Variants in ITGAE observed in about 807,000 individuals in gnomAD.
ITGAE encodes integrin alpha-E.
A neutral mutation model predicts 136.5 loss-of-function variants in ITGAE; 99 were observed. That is an observed-to-expected ratio of 0.73 (90% confidence interval 0.62 to 0.86). The LOEUF (loss-of-function observed/expected upper bound fraction) is 0.86. Ranked by LOEUF, ITGAE falls within the 40% of genes least tolerant of loss-of-function variation. ITGAE has a pLI of 0.00. For missense variants in ITGAE, 1,447 were observed against 1,515.3 expected (o/e 0.95, Z 0.75); for synonymous variants, 613 against 591.8 (o/e 1.04, Z -0.52).
At chr17:3,721,298 GTC>G (rs2051046782) in intron 28 of ITGAE, among the ~76,000 whole-genome samples, 1 of 107,242 alleles carries the variant, frequency 9.3e-6, no homozygotes, top group Non-Finnish European at 1.7e-5. Flanking sequence ...TTGAGACAAG[GTC>G]TCACTCTGTT....
In ITGAE at chr17:3,716,558, AAGG is replaced by A. The variant is rs142226080; in HGVS notation, c.3444+127_3444+129del. ...TTGTCTAAATGGGGGTGTGCAGTTGAAGGAGGAGAAAAAAGTGGCCACGAGGCC... is the reference window on the plus strand; with the variant it reads ...TTGTCTAAATGGGGGTGTGCAGTTGAAGGAGAAAAAAGTGGCCACGAGGCC... On this transcript the variant is annotated intron_variant, in intron 30 of 30. Transcript: ENST00000263087. 656 of 662,676 alleles carry A rather than the reference AAGG, an allele frequency of 9.9e-4. 6 individuals are homozygous for A. In the African/African-American group the frequency reaches 0.01, roughly 10 times the overall value. 41.0% of individuals were successfully genotyped at this position (662,676 alleles called of 1,614,324 possible).
chr17:3,770,379 C>G (rs1241784469), intron 2 of ITGAE, among the ~76,000 whole-genome samples: 1 of 152,112 alleles, frequency 6.6e-6, no homozygotes, highest in Non-Finnish European at 1.5e-5. Flanking sequence ...ATCTGCCGGC[C>G]TCAGCCTCCC....
chr17:3,799,000 G>T lies in ITGAE; in HGVS notation c.34+2111C>A, dbSNP rs2053187095. Among the ~76,000 whole-genome samples the T allele has an allele frequency of 6.6e-6, 1 of 152,170 alleles. No homozygotes were observed. The highest frequency in any genetic ancestry group is 6.5e-5 in the Admixed American group (1 of 15,282). On this transcript the variant is annotated intron_variant, in intron 1 of 30. Coordinates refer to ENST00000263087, the MANE Select transcript of ITGAE (RefSeq NM_002208.5). This position sits in a 1 kb window ranked among gnomAD's most constrained non-coding sequence, Gnocchi z 4.3. ...TAGGCATCACCAGAGTGGCTGGCCT[G>T]GAGAGAGTGGAAGGTCAGGGCCAGG...
chr17:3,726,054 G>A lies in ITGAE; in HGVS notation c.3084+1865C>T, dbSNP rs756196178. 95 of 1,614,044 alleles carry A rather than the reference G, an allele frequency of 5.9e-5. No individual in the cohort carries two copies. The highest frequency in any genetic ancestry group is 2.2e-5 in the East Asian group (1 of 44,904). On this transcript the variant is annotated intron_variant, in intron 26 of 30. Coordinates refer to ENST00000263087, the MANE Select transcript of ITGAE (RefSeq NM_002208.5). ...TGTGGTTTTCTGTGACGTTTCCATG[G>A]ATGAGGACCTGTTTACCGGTGACGG...
In ITGAE at chr17:3,727,902, G is replaced by T. The variant is rs201734615; in HGVS notation, c.3084+17C>A. On this transcript the variant is annotated intron_variant, in intron 26 of 30. Coordinates refer to ENST00000263087, the MANE Select transcript of ITGAE (RefSeq NM_002208.5). ...TGTGGAAAGAGGTGTGACTGATAAA[G>T]AACTGCCTTTAAATACCTGAGTCCT... 1.2e-3 allele frequency: 1,804 copies of T among 1,492,794 alleles called. 12 individuals carry two copies. Among genetic ancestry groups the T allele is most frequent in the Middle Eastern group, 7.0e-3 (41 of 5,844 alleles). The allele number at this position is 1,492,794 out of a possible 1,614,324, so 92.5% of individuals were successfully genotyped here.
rs200799007 is a variant in ITGAE at position 3,716,232 on chromosome 17, G to A, written c.3444+456C>T. Among the ~76,000 whole-genome samples, 1,241 of 151,204 alleles carry A rather than the reference G, an allele frequency of 8.2e-3. 13 individuals are homozygous for A. Among genetic ancestry groups the A allele is most frequent in the African/African-American group, 0.028 (1,179 of 41,440 alleles). ...AGAGACGGGTAGCGGACAGAGAGGA[G>A]AGGATCTTAAATAGCAGTAGAAGAG... On this transcript the variant is annotated intron_variant, in intron 30 of 30. Coordinates refer to ENST00000263087, the MANE Select transcript of ITGAE (RefSeq NM_002208.5).
chr17:3,719,234 T>TAAAAAAAAAAAA lies in ITGAE; in HGVS notation c.3333+1072_3333+1073insTTTTTTTTTTTT, dbSNP rs2050999265. On this transcript the variant is annotated intron_variant, in intron 29 of 30. Coordinates refer to ENST00000263087, the MANE Select transcript of ITGAE (RefSeq NM_002208.5). ...CTGGGCGACACAGTGAGATTCTTCCTCAAAAAAAAAAAAAAAAAAAAAGAA... is the reference window on the plus strand; with the variant it reads ...CTGGGCGACACAGTGAGATTCTTCCTAAAAAAAAAAAACAAAAAAAAAAAAAAAAAAAAAGAA... 1.9e-3 allele frequency among the ~76,000 whole-genome samples: 66 copies of TAAAAAAAAAAAA among 34,598 alleles called. 2 individuals carry two copies. Among genetic ancestry groups the TAAAAAAAAAAAA allele is most frequent in the African/African-American group, 7.7e-3 (62 of 8,050 alleles). The allele number at this position is 34,598 out of a possible 152,430, so 22.7% of individuals were successfully genotyped here. A position where few individuals can be genotyped will look rare whatever the true frequency, so the allele number is the denominator to read the frequency against.
At chr17:3,732,034 C>T (rs182666630) in intron 22 of ITGAE, among the ~76,000 whole-genome samples, 13 of 152,126 alleles carry the variant, frequency 8.5e-5, no homozygotes, top group Admixed American at 8.5e-4. Flanking sequence ...TGAGACTGTG[C>T]CACTGCACTC....
At chr17:3,718,223 C>G (rs1013432438) in intron 29 of ITGAE, 1 of 152,242 alleles carries the variant, frequency 6.6e-6, no homozygotes, top group African/African-American at 2.4e-5. Context: ...AGATTCAGAT[C>G]TCACTAATAA....
chr17:3,720,389 A>C lies in ITGAE; in HGVS notation c.3251T>G (p.Val1084Gly), dbSNP rs2051025011. 6.6e-7 allele frequency: 1 copy of C among 1,521,860 alleles called. No homozygotes were observed. The highest frequency in any genetic ancestry group is 1.7e-5 in the Admixed American group (1 of 59,826). 94.3% of individuals were successfully genotyped at this position (1,521,860 alleles called of 1,614,324 possible). ...WDHSEELLKDVTELQILGEIS... is the reference protein window; with the variant it reads ...WDHSEELLKDGTELQILGEIS... Reference sequence around the variant, plus strand: ...TTCACCAAGGATCTGCAGTTCAGTTACATCTTTTAGTAACTAGAAGATGGG... The same window carrying C: ...TTCACCAAGGATCTGCAGTTCAGTTCCATCTTTTAGTAACTAGAAGATGGG... Residue 1084 changes from valine (V) to glycine (G), a missense_variant, in exon 29 of 31, where the codon GTA becomes GGA. Transcript: ENST00000263087.
At chr17:3,734,671 G>T in intron 21 of ITGAE, 146 bp downstream of exon 21, 1 of 962,096 alleles carries the variant, frequency 1.0e-6, no homozygotes, top group Admixed American at 2.2e-5. Context: ...GACTGGCGGG[G>T]ATTTATCTAG....
Position 3,777,649 on chromosome 17 carries a change from G to C in ITGAE, c.46C>G (p.Leu16Val). Residue 16 changes from leucine to valine, a missense_variant, in exon 2 of 31, where the codon CTG (leucine) becomes GTG (valine). Transcript: ENST00000263087. ...GCCACATCCACATTGAAAGCGGCCA[G>C]CAGGGCCAGGCCTGTAGGGAAAAGA... ...TLLCIASLAL[L>V]AAFNVDVARP... The C allele has an allele frequency of 6.2e-7, 1 of 1,612,920 alleles. No individual in the cohort carries two copies. Among genetic ancestry groups the C allele is most frequent in the Non-Finnish European group, 8.5e-7 (1 of 1,179,556 alleles).
chr17:3,792,389 T>C (rs2052962684), intron 1 of ITGAE, among the ~76,000 whole-genome samples: 1 of 152,234 alleles, frequency 6.6e-6, no homozygotes. Context: ...AGTGCTGGGA[T>C]TACACGCGTG....
intron 30 of ITGAE, 81 bp downstream of exon 30, chr17:3,716,607 G>C (rs2050947929): frequency 1.2e-6 from 1 of 820,980 alleles, no homozygotes; most frequent in Non-Finnish European, 2.1e-6. Context: ...CTCTAAGTCA[G>C]AGGTTGGCTG....
At chr17:3,735,376 A>T (rs747239439) in intron 20 of ITGAE, among the ~76,000 whole-genome samples, 1 of 152,198 alleles carries the variant, frequency 6.6e-6, no homozygotes, top group African/African-American at 2.4e-5. Context: ...CACGTTGGTC[A>T]GGCTGGTCTC....
intron 10 of ITGAE, among the ~76,000 whole-genome samples, chr17:3,756,477 C>A (rs1245554515): frequency 6.7e-6 from 1 of 149,978 alleles, no homozygotes; most frequent in Non-Finnish European, 1.5e-5. Flanking sequence ...TCTTGGCTCA[C>A]TGCAACCTCT....
At chr17:3,791,025 G>T (rs971742015) in intron 1 of ITGAE, among the ~76,000 whole-genome samples, 1 of 151,524 alleles carries the variant, frequency 6.6e-6, no homozygotes, top group Non-Finnish European at 1.5e-5. Context: ...CGTGGTGGTG[G>T]GCGCCTCTAG....
At chr17:3,767,166 G>A (rs1211845678) in intron 2 of ITGAE, among the ~76,000 whole-genome samples, 3 of 150,648 alleles carry the variant, frequency 2.0e-5, no homozygotes, top group Admixed American at 6.6e-5. Flanking sequence ...GCACGATCTC[G>A]GCTCACTGCA....
Position 3,772,502 on chromosome 17 carries a change from C to T in ITGAE, c.155+5038G>A, listed in dbSNP as rs531650737. ...TTTTTTTGAGACGGAGTCTCACTGT[C>T]GCCCAGGCTGGAGTGCAGTGGCGCG... On this transcript the variant is annotated intron_variant, in intron 2 of 30. Coordinates refer to ENST00000263087, the MANE Select transcript of ITGAE (RefSeq NM_002208.5). 3.1e-4 allele frequency among the ~76,000 whole-genome samples: 45 copies of T among 144,960 alleles called. 1 individual carries two copies. The highest frequency in any genetic ancestry group is 7.7e-4 in the African/African-American group (29 of 37,464).
Sources: allele counts gnomAD v4.1 joint callset (sites outside exome capture counted in the v4.1 genomes callset), GRCh38; gene constraint gnomAD v4.1.1; non-coding constraint Gnocchi (gnomAD v3.1); transcripts MANE v1.5; gene names NCBI Gene and HGNC (gene_info 2026-07-23, HGNC 2026-07-21).